GRHL2: variants seen among roughly 807,000 people sequenced by gnomAD.
GRHL2 encodes the protein grainyhead like transcription factor 2, also known as grainyhead-like protein 2 homolog.
A neutral mutation model predicts 83.8 loss-of-function variants in GRHL2; 21 were observed. That is an observed-to-expected ratio of 0.25 (90% CI 0.18 to 0.36). The LOEUF is 0.36. Among genes scored for constraint, GRHL2 ranks in the 10% least tolerant of loss-of-function variants. GRHL2 has a pLI of 1.00. For missense variants in GRHL2, 623 were observed against 781.8 expected, an observed-to-expected ratio of 0.80 and a Z score of 2.42; for synonymous variants, 280 against 278.9, an observed-to-expected ratio of 1.00 and a Z score of -0.04.
chr8:101,502,511 C>T (rs890779485), intron 1 of GRHL2, among the ~76,000 whole-genome samples: 2 of 152,156 alleles, frequency 1.3e-5, no homozygotes, highest in African/African-American at 4.8e-5. Context: ...GTTTAACTAG[C>T]GGACTCCCGC....
chr8:101,634,487 G>A (rs1813247843), intron 11 of GRHL2, among the ~76,000 whole-genome samples: 1 of 152,160 alleles, frequency 6.6e-6, no homozygotes, highest in South Asian at 2.1e-4. Flanking sequence ...ACTTTGACCT[G>A]CAGAACAAGA....
At position 101,629,304 on chromosome 8, in the gene GRHL2, A is replaced by AT. The variant is rs5893577; in HGVS notation, c.1258-2320dup. On this transcript the variant is annotated intron_variant, in intron 9 of 15. Transcript: ENST00000646743. ...ACAACTTGCTAAAGCCTCAGTGTGT[A>AT]TTTTTTTTTTTTTAGCAATGAAGTA... is the stretch of plus-strand genomic sequence containing the variant. Among the ~76,000 whole-genome samples, 737 of 147,850 alleles carry AT rather than the reference A, an allele frequency of 5.0e-3. 5 individuals carry two copies. Among genetic ancestry groups the AT allele is most frequent in the African/African-American group, 0.015 (603 of 40,434 alleles).
At position 101,636,724 on chromosome 8, in the gene GRHL2, T is replaced by TAC. The variant is rs3029438; in HGVS notation, c.1486-132_1486-131dup. 122,670 of 477,872 alleles carry TAC rather than the reference T, an allele frequency of 0.26. 5,029 individuals are homozygous for TAC. Among genetic ancestry groups the TAC allele is most frequent in the East Asian group, 0.34 (9,957 of 29,544 alleles). The allele number at this position is 477,872 out of a possible 1,614,324, so 29.6% of individuals were successfully genotyped here. A position where few individuals can be genotyped will look rare whatever the true frequency, so the allele number is the denominator to read the frequency against. On this transcript the variant is annotated intron_variant, in intron 11 of 15. Coordinates refer to ENST00000646743, the MANE Select transcript of GRHL2 (RefSeq NM_024915.4). ...ACTTAAATATGCATTTCCTTAGAAA[T>TAC]ACACACACACACACACACACACACA...
At chr8:101,665,761 A>G (rs1165752201) in intron 15 of GRHL2, among the ~76,000 whole-genome samples, 14 of 152,186 alleles carry the variant, frequency 9.2e-5, no homozygotes, top group Admixed American at 9.2e-4. Flanking sequence ...TGAGGCTCTG[A>G]AAGGCTAAAC....
Position 101,668,773 on chromosome 8 carries a change from A to G in GRHL2, c.*2070A>G, listed in dbSNP as rs759156169. 6.6e-6 allele frequency: 1 copy of G among 152,248 alleles called. No homozygotes were observed. The highest frequency in any genetic ancestry group is 1.5e-5 in the Non-Finnish European group (1 of 68,060). The allele number at this position is 152,248 out of a possible 1,614,324, so 9.4% of individuals were successfully genotyped here. The stretch of plus-strand genomic sequence containing the variant: ...TTCAAACATGATTGGCAGACATAAC[A>G]ACGGCAAATACTCGGACTGGGGCAT... On this transcript the variant is annotated 3_prime_UTR_variant, in exon 16 of 16. Coordinates refer to ENST00000646743, the MANE Select transcript of GRHL2 (RefSeq NM_024915.4).
chr8:101,649,611 G>A (rs1430112008), intron 14 of GRHL2, 112 bp downstream of exon 14: 1 of 791,456 alleles, frequency 1.3e-6, no homozygotes, highest in Non-Finnish European at 2.2e-6. Flanking sequence ...GCTTTATACA[G>A]AACAAGAAAA....
Position 101,634,954 on chromosome 8 carries a change from C to T in GRHL2, c.1486-1943C>T, listed in dbSNP as rs375228077. On this transcript the variant is annotated intron_variant, in intron 11 of 15. Coordinates refer to ENST00000646743, the MANE Select transcript of GRHL2 (RefSeq NM_024915.4). ...GATATTCAGGCTGTTTATGTCTGGA[C>T]GCCTTTAAAGGTCATGAGATTAGGC... 3.0e-4 allele frequency among the ~76,000 whole-genome samples: 46 copies of T among 152,242 alleles called. No individual in the cohort carries two copies. The East Asian group carries it at 6.4e-3, about 21-fold the overall frequency.
At chr8:101,512,966 C>T (rs1343652434) in intron 1 of GRHL2, among the ~76,000 whole-genome samples, 1 of 152,192 alleles carries the variant, frequency 6.6e-6, no homozygotes, top group Admixed American at 6.5e-5. Context: ...GCCTCTCCAC[C>T]TCTAAATGCC....
Position 101,558,405 on chromosome 8 carries a change from G to A in GRHL2, c.285-14G>A, listed in dbSNP as rs200781848. Reference sequence around the variant, plus strand: ...TTCTAATTCTATCATGTTGCGGGGGGTTTCAACACACAGAAACTGCCTTGG... The same window carrying A: ...TTCTAATTCTATCATGTTGCGGGGGATTTCAACACACAGAAACTGCCTTGG... On this transcript the variant is annotated splice_polypyrimidine_tract_variant and intron_variant, in intron 3 of 15. Coordinates refer to ENST00000646743, the MANE Select transcript of GRHL2 (RefSeq NM_024915.4). 1.1e-5 allele frequency: 18 copies of A among 1,613,978 alleles called. No individual in the cohort carries two copies. The Admixed American group carries it at 2.3e-4, about 21-fold the overall frequency.
At chr8:101,658,627 T>TTCCC (rs1398667314) in intron 14 of GRHL2, among the ~76,000 whole-genome samples, 1 of 152,172 alleles carries the variant, frequency 6.6e-6, no homozygotes, top group African/African-American at 2.4e-5. Context: ...AGCCGAGGTG[T>TTCCC]TCCCTTTCAT....
chr8:101,644,962 C>T (rs1347382676), intron 13 of GRHL2, among the ~76,000 whole-genome samples: 1 of 152,018 alleles, frequency 6.6e-6, no homozygotes, highest in Non-Finnish European at 1.5e-5. Flanking sequence ...ATCCTCCCAC[C>T]TCAGCCTCCT....
chr8:101,500,895 A>G (rs1332477893), intron 1 of GRHL2, among the ~76,000 whole-genome samples: 3 of 152,218 alleles, frequency 2.0e-5, no homozygotes, highest in Non-Finnish European at 4.4e-5. Context: ...TAAGTGGGAT[A>G]GAAATAAGAA....
At chr8:101,623,933 C>T (rs1586152471) in intron 9 of GRHL2, among the ~76,000 whole-genome samples, 1 of 150,390 alleles carries the variant, frequency 6.6e-6, no homozygotes, top group Non-Finnish European at 1.5e-5. Flanking sequence ...GAACAGGTCA[C>T]AGTACACAGT....
chr8:101,493,440 C>G (rs371743903), intron 1 of GRHL2, among the ~76,000 whole-genome samples: 2 of 12,364 alleles, frequency 1.6e-4, no homozygotes, highest in Non-Finnish European at 1.4e-3. Context: ...CCCTCCCCCG[C>G]CTCCCTCCCC....
intron 1 of GRHL2, among the ~76,000 whole-genome samples, chr8:101,521,206 A>G (rs1461853184): frequency 2.6e-5 from 4 of 152,160 alleles, no homozygotes; most frequent in African/African-American, 9.7e-5. Context: ...AGTCTAAAGA[A>G]GATGCAGCAG....
At chr8:101,606,118 T>C (rs1812628209) in intron 8 of GRHL2, among the ~76,000 whole-genome samples, 1 of 152,188 alleles carries the variant, frequency 6.6e-6, no homozygotes, top group African/African-American at 2.4e-5. Flanking sequence ...AGGCATACAG[T>C]GACCCTCCGC....
chr8:101,501,986 T>A (rs571781258), intron 1 of GRHL2, among the ~76,000 whole-genome samples: 1 of 151,732 alleles, frequency 6.6e-6, no homozygotes, highest in South Asian at 2.1e-4. Flanking sequence ...TCTGATACCA[T>A]TACTGGGGAG....
At chr8:101,622,912 C>T (rs1405585277) in intron 9 of GRHL2, among the ~76,000 whole-genome samples, 1 of 152,158 alleles carries the variant, frequency 6.6e-6, no homozygotes, top group African/African-American at 2.4e-5. Context: ...GCTTACCTCC[C>T]ACATATCAGT....
chr8:101,660,466 T>C (rs1021744940), intron 14 of GRHL2, among the ~76,000 whole-genome samples: 1 of 152,182 alleles, frequency 6.6e-6, no homozygotes, highest in Non-Finnish European at 1.5e-5. Context: ...CTTCTTTCTT[T>C]ATCTTTCTCT....
Sources: gnomAD v4.1 joint callset for allele counts (sites outside exome capture counted in the v4.1 genomes callset) on GRCh38, gnomAD v4.1.1 for gene constraint, MANE v1.5 for transcripts, NCBI Gene and HGNC (gene_info 2026-07-23, HGNC 2026-07-21) for gene names.